Variants in CEP70 observed in about 807,000 individuals in gnomAD.
The protein encoded by CEP70 is centrosomal protein 70, also known as centrosomal protein of 70 kDa.
Under a neutral mutation model 90.9 loss-of-function variants are expected in CEP70, and 70 were observed. That is an observed-to-expected ratio of 0.77 (90% confidence interval 0.64 to 0.94). The LOEUF is 0.94. Ranked by LOEUF, CEP70 falls within the 40% of genes least tolerant of loss-of-function variation. CEP70 has a pLI of 0.00. For synonymous variants in CEP70, 220 were observed against 228.3 expected (o/e 0.96, Z 0.33); for missense variants, 648 against 669.0 (o/e 0.97, Z 0.35).
At chr3:138,496,533 T>C in intron 17 of CEP70, 1 of 985,424 alleles carries the variant, frequency 1.0e-6, no homozygotes, top group Non-Finnish European at 1.2e-6. Flanking sequence ...GAAACCTGCC[T>C]TACAAATGAA....
At chr3:138,592,048 A>G in intron 1 of CEP70, 92 bp from the exon 2 acceptor site, 1 of 549,116 alleles carries the variant, frequency 1.8e-6, no homozygotes, top group Admixed American at 3.5e-5. Context: ...CAGGCATCCA[A>G]GGTACTGGTA....
At chr3:138,591,660 CTGTGT>C (rs1359309943) in intron 2 of CEP70, among the ~76,000 whole-genome samples, 189 bp downstream of exon 2, 9 of 152,216 alleles carry the variant, frequency 5.9e-5, no homozygotes, top group Non-Finnish European at 1.3e-4. Flanking sequence ...GATCAGCTTT[CTGTGT>C]TATCTTAAGT....
intron 12 of CEP70, among the ~76,000 whole-genome samples, chr3:138,505,974 A>G (rs2034953620): frequency 6.6e-6 from 1 of 152,238 alleles, no homozygotes; most frequent in Non-Finnish European, 1.5e-5. Context: ...CGGGCATCCT[A>G]TGCCGCAGTA....
chr3:138,497,950 C>G (rs1162544239), intron 17 of CEP70, 81 bp downstream of exon 17: 5 of 1,572,328 alleles, frequency 3.2e-6, no homozygotes, highest in Non-Finnish European at 4.3e-6. Context: ...AATACTAATC[C>G]AGTGACCAAG....
At chr3:138,497,169 C>G (rs2034009090) in intron 17 of CEP70, 2 of 1,141,010 alleles carry the variant, frequency 1.8e-6, no homozygotes, top group South Asian at 4.0e-5. Context: ...TGCTTCCCCA[C>G]TGCACATAAG....
At chr3:138,581,386 G>A (rs1467723622) in intron 2 of CEP70, among the ~76,000 whole-genome samples, 1 of 151,858 alleles carries the variant, frequency 6.6e-6, no homozygotes, top group African/African-American at 2.4e-5. Flanking sequence ...GCCTTAAAGA[G>A]GAAGTAGAAA....
At chr3:138,573,779 G>A (rs1016460640) in intron 2 of CEP70, among the ~76,000 whole-genome samples, 9 of 152,182 alleles carry the variant, frequency 5.9e-5, no homozygotes, top group Non-Finnish European at 1.0e-4. Flanking sequence ...GAGTAACAGT[G>A]TTCTAAGTTT....
intron 11 of CEP70, among the ~76,000 whole-genome samples, chr3:138,520,883 G>A (rs942170254): frequency 3.3e-5 from 5 of 152,090 alleles, no homozygotes; most frequent in Non-Finnish European, 7.4e-5. Context: ...GTACTGCCGC[G>A]ATCTCGGCTC....
At chr3:138,569,297 C>A (rs2041003527) in intron 6 of CEP70, among the ~76,000 whole-genome samples, 1 of 152,180 alleles carries the variant, frequency 6.6e-6, no homozygotes, top group South Asian at 2.1e-4. Flanking sequence ...ATGAATACTG[C>A]TCCCTTTTAG....
chr3:138,588,440 T>C (rs1218295212), intron 2 of CEP70, among the ~76,000 whole-genome samples: 2 of 152,114 alleles, frequency 1.3e-5, no homozygotes, highest in Non-Finnish European at 2.9e-5. Context: ...AAAATTTCAA[T>C]AGACATTTCA....
At chr3:138,499,389 T>C (rs1453071492) in intron 16 of CEP70, among the ~76,000 whole-genome samples, 4 of 152,184 alleles carry the variant, frequency 2.6e-5, no homozygotes, top group African/African-American at 7.2e-5. Context: ...CAAATAAATA[T>C]ACTATTAATG....
chr3:138,563,062 T>A (rs144833715), intron 6 of CEP70, among the ~76,000 whole-genome samples: 3,846 of 151,064 alleles, frequency 0.025, 64 homozygotes, highest in Non-Finnish European at 0.039. Context: ...AATCCTAGTC[T>A]CTGATAAAAC....
chr3:138,555,914 G>C (rs1034619635), intron 6 of CEP70, among the ~76,000 whole-genome samples: 1 of 152,168 alleles, frequency 6.6e-6, no homozygotes, highest in African/African-American at 2.4e-5. Context: ...CCACTACTGG[G>C]TATCTACCCA....
chr3:138,527,403 A>G (rs2037371292), intron 10 of CEP70, among the ~76,000 whole-genome samples: 1 of 151,760 alleles, frequency 6.6e-6, no homozygotes, highest in Non-Finnish European at 1.5e-5. Context: ...CTAATTTTTA[A>G]AATTATTTGT....
At position 138,543,813 on chromosome 3, in the gene CEP70, AAAAAAC is replaced by A. The variant is rs1041940935; in HGVS notation, c.466-6472_466-6467del. On this transcript the variant is annotated intron_variant, in intron 6 of 17. Coordinates refer to ENST00000264982, the MANE Select transcript of CEP70 (RefSeq NM_024491.4). The stretch of plus-strand genomic sequence containing the variant: ...AGTGAGACCCTATCTCAAAAAAAAG[AAAAAAC>A]AAAAACAAAAAGCTCCCCCTCAAAA... Among the ~76,000 whole-genome samples the A allele has an allele frequency of 1.4e-4, 22 of 152,352 alleles. No individual in the cohort carries two copies. The South Asian group carries it at 1.9e-3, about 13-fold the overall frequency.
At chr3:138,527,020 A>G (rs2037320971) in intron 10 of CEP70, among the ~76,000 whole-genome samples, 1 of 151,934 alleles carries the variant, frequency 6.6e-6, no homozygotes, top group South Asian at 2.1e-4. Flanking sequence ...ACAAAAAAAG[A>G]GTAAATATTG....
chr3:138,500,171 G>C lies in CEP70; in HGVS notation c.1591C>G (p.Leu531Val). ...TGCTCATTCACATCTTCATTAATCAGCCTACAGAGTTTTCCAACAGTGCTT... is the reference window on the plus strand; with the variant it reads ...TGCTCATTCACATCTTCATTAATCACCCTACAGAGTTTTCCAACAGTGCTT... ...LVSTVGKLCR[L>V]INEDVNEQVM... is the part of the protein sequence containing the mutation. The change falls in exon 16 of 18, where the codon CTG becomes GTG. Residue 531 changes from leucine to valine, a missense_variant. By Grantham distance (32) the Leu-to-Val change is conservative (BLOSUM62 1). Coordinates refer to ENST00000264982, the MANE Select transcript of CEP70 (RefSeq NM_024491.4). 1 of 1,613,844 alleles carries C rather than the reference G, an allele frequency of 6.2e-7. No homozygotes were observed. Among genetic ancestry groups the C allele is most frequent in the Non-Finnish European group, 8.5e-7 (1 of 1,179,746 alleles).
chr3:138,591,782 AG>A, intron 2 of CEP70, 71 bp downstream of exon 2: 1 of 1,156,682 alleles, frequency 8.6e-7, no homozygotes, highest in Non-Finnish European at 1.2e-6. Context: ...AACCTAGTAT[AG>A]TACTCAATAA....
At chr3:138,546,217 A>C (rs1309497374) in intron 6 of CEP70, among the ~76,000 whole-genome samples, 1 of 152,062 alleles carries the variant, frequency 6.6e-6, no homozygotes, top group African/African-American at 2.4e-5. Flanking sequence ...ACCAGCCAAC[A>C]CTTAGGGAAA....
Sources: allele counts gnomAD v4.1 joint callset (sites outside exome capture counted in the v4.1 genomes callset), GRCh38; gene constraint gnomAD v4.1.1; transcripts MANE v1.5; gene names NCBI Gene and HGNC (gene_info 2026-07-23, HGNC 2026-07-21).